Variants in ROBO2 observed in about 807,000 individuals in gnomAD.
The protein encoded by ROBO2 is roundabout guidance receptor 2.
A neutral mutation model predicts 160.8 loss-of-function variants in ROBO2; 53 were observed. That is an observed-to-expected ratio of 0.33 (90% CI 0.26 to 0.41). ROBO2 has a LOEUF of 0.41. ROBO2 is among the 10% of genes least tolerant of loss of function. The probability of loss-of-function intolerance (pLI) is 1.00; values close to 1 mark genes in which losing one functional copy is unlikely to be tolerated. For missense variants in ROBO2, 1,577 were observed against 1,722.4 expected (o/e 0.92, Z 1.49); for synonymous variants, 664 against 611.7 (o/e 1.09, Z -1.26).
chr3:77,122,328 A>G (rs989180842), intron 2 of ROBO2, among the ~76,000 whole-genome samples: 1 of 152,094 alleles, frequency 6.6e-6, no homozygotes, highest in African/African-American at 2.4e-5. Context: ...GTGGTCATGA[A>G]CATATTTTCT....
At chr3:76,146,587 A>G (rs1411699103) in intron 2 of ROBO2, among the ~76,000 whole-genome samples, 1 of 151,564 alleles carries the variant, frequency 6.6e-6, no homozygotes, top group Non-Finnish European at 1.5e-5. Context: ...GATTTGAAAT[A>G]CCTCTGCAAA....
At chr3:77,616,721 T>A (rs1288269943) in intron 21 of ROBO2, among the ~76,000 whole-genome samples, 3 of 152,148 alleles carry the variant, frequency 2.0e-5, no homozygotes, top group Non-Finnish European at 4.4e-5. Flanking sequence ...AGAATTGAAA[T>A]AAAAAAGCTA....
At chr3:77,373,387 C>T (rs2072105686) in intron 2 of ROBO2, among the ~76,000 whole-genome samples, 1 of 151,474 alleles carries the variant, frequency 6.6e-6, no homozygotes. Context: ...CTGGAATTCA[C>T]TTTGGCCTTG....
intron 2 of ROBO2, among the ~76,000 whole-genome samples, chr3:77,257,449 G>C (rs960666993): frequency 1.3e-5 from 2 of 152,198 alleles, no homozygotes; most frequent in Non-Finnish European, 2.9e-5. Flanking sequence ...CAAATGCAGA[G>C]ACCATGAAAA....
chr3:76,297,170 A>G (rs35739949), intron 2 of ROBO2, among the ~76,000 whole-genome samples: 7,799 of 152,258 alleles, frequency 0.051, 209 homozygotes, highest in African/African-American at 0.062. Flanking sequence ...CATGTTTTCT[A>G]ATGTTATGGA....
At chr3:77,078,940 TATTGATTG>T (rs1188647576) in intron 1 of ROBO2, among the ~76,000 whole-genome samples, 1 of 152,146 alleles carries the variant, frequency 6.6e-6, no homozygotes, top group Non-Finnish European at 1.5e-5. Context: ...TTAATTATTT[TATTGATTG>T]ATTGATTGAT....
intron 2 of ROBO2, among the ~76,000 whole-genome samples, chr3:76,737,331 A>G (rs1008762746): frequency 1.3e-5 from 2 of 149,794 alleles, no homozygotes; most frequent in African/African-American, 4.9e-5. Flanking sequence ...TTTTTCTGGT[A>G]TTTTCTGTTG....
At chr3:76,749,114 A>T (rs2108190867) in intron 2 of ROBO2, among the ~76,000 whole-genome samples, 1 of 151,998 alleles carries the variant, frequency 6.6e-6, no homozygotes, top group South Asian at 2.1e-4. Context: ...TTTTTGTAAA[A>T]ATTATATATA....
At chr3:75,949,766 A>G (rs1948464881) in intron 2 of ROBO2, among the ~76,000 whole-genome samples, 2 of 24,088 alleles carry the variant, frequency 8.3e-5, no homozygotes, top group Non-Finnish European at 2.0e-4. Context: ...AGAAAAATAA[A>G]TTCAGATTGC....
intron 2 of ROBO2, among the ~76,000 whole-genome samples, chr3:77,352,604 G>A (rs2068512901): frequency 6.6e-6 from 1 of 152,000 alleles, no homozygotes; most frequent in African/African-American, 2.4e-5. Context: ...AGAAAACTAT[G>A]ACACAGAATG....
chr3:77,299,024 G>T (rs1219215717), intron 2 of ROBO2, among the ~76,000 whole-genome samples: 1 of 151,990 alleles, frequency 6.6e-6, no homozygotes, highest in Non-Finnish European at 1.5e-5. Context: ...TCATGAAAAA[G>T]GTAGAATTTA....
At chr3:76,959,750 T>C (rs1365275598) in intron 2 of ROBO2, among the ~76,000 whole-genome samples, 1 of 152,060 alleles carries the variant, frequency 6.6e-6, no homozygotes, top group Non-Finnish European at 1.5e-5. Context: ...TTAAGGAAAA[T>C]ATTGCCCTCT....
At chr3:76,142,034 G>A (rs1052036610) in intron 2 of ROBO2, among the ~76,000 whole-genome samples, 4 of 151,882 alleles carry the variant, frequency 2.6e-5, no homozygotes, top group Non-Finnish European at 5.9e-5. Flanking sequence ...AGTGGCTGAG[G>A]GGGTCAGACA....
intron 2 of ROBO2, among the ~76,000 whole-genome samples, chr3:75,980,325 T>A (rs1186827556): frequency 6.6e-6 from 1 of 151,502 alleles, no homozygotes; most frequent in East Asian, 1.9e-4. Flanking sequence ...TCTTTAGGGG[T>A]TCCTGATCCA....
chr3:75,950,765 G>T (rs1576273205), intron 2 of ROBO2, among the ~76,000 whole-genome samples: 1 of 152,006 alleles, frequency 6.6e-6, no homozygotes. Context: ...GGCTGTGCAT[G>T]TGAGGTTGAT....
intron 2 of ROBO2, among the ~76,000 whole-genome samples, chr3:76,229,887 G>A (rs887757894): frequency 2.0e-5 from 3 of 152,086 alleles, no homozygotes; most frequent in Admixed American, 6.6e-5. Flanking sequence ...TTCTCTGAGA[G>A]CAAGAAGAAA....
intron 2 of ROBO2, among the ~76,000 whole-genome samples, chr3:77,121,143 C>T (rs982036181): frequency 6.6e-6 from 1 of 151,994 alleles, no homozygotes; most frequent in African/African-American, 2.4e-5. Flanking sequence ...CGGGGTTTCA[C>T]CATGTTGGCC....
rs571555134 is a variant in ROBO2, at chr3:76,220,073, A to G, written c.109+282471A>G. On this transcript the variant is annotated intron_variant, in intron 2 of 26. Coordinates refer to the ROBO2 transcript ENST00000487694. ...ACCATCATTCTCAGCAAACTATGGCAAGGACAAAAAACCAAACACCGCATG... is the reference window on the plus strand; with the variant it reads ...ACCATCATTCTCAGCAAACTATGGCGAGGACAAAAAACCAAACACCGCATG... Among the ~76,000 whole-genome samples the G allele has an allele frequency of 1.2e-3, 180 of 151,910 alleles. 1 individual carries two copies. The highest frequency in any genetic ancestry group is 4.1e-3 in the African/African-American group (169 of 41,392).
chr3:76,112,041 T>G (rs1447788562), intron 2 of ROBO2, among the ~76,000 whole-genome samples: 1 of 152,090 alleles, frequency 6.6e-6, no homozygotes, highest in African/African-American at 2.4e-5. Context: ...CTCTTAAACT[T>G]TACTCTGAGC....
Sources: gnomAD v4.1 joint callset for allele counts (sites outside exome capture counted in the v4.1 genomes callset) on GRCh38, gnomAD v4.1.1 for gene constraint, MANE v1.5 for transcripts, NCBI Gene and HGNC (gene_info 2026-07-23, HGNC 2026-07-21) for gene names.